The following KCNAB2 variants were observed in gnomAD, a reference collection of about 807,000 sequenced individuals.
KCNAB2 encodes the protein voltage-gated potassium channel subunit beta-2.
A neutral mutation model predicts 63.6 loss-of-function variants in KCNAB2; 29 were observed. The observed-to-expected ratio is 0.46, with a 90% CI of 0.34 to 0.62. The LOEUF is 0.62. Ranked by LOEUF, KCNAB2 falls within the 20% of genes least tolerant of loss-of-function variation. The pLI is 0.01. For missense variants in KCNAB2, 359 were observed against 563.9 expected (o/e 0.64, Z 3.68); for synonymous variants, 222 against 224.2 (o/e 0.99, Z 0.09).
At chr1:6,091,411 C>G (rs973896685) in intron 10 of KCNAB2, 104 bp downstream of exon 10, 9 of 844,866 alleles carry the variant, frequency 1.1e-5, no homozygotes, top group Non-Finnish European at 1.7e-5. Context: ...AGAAACTTCT[C>G]CATAAAATGC....
intron 2 of KCNAB2, among the ~76,000 whole-genome samples, chr1:6,059,793 G>A (rs1207168566): frequency 6.6e-6 from 1 of 152,236 alleles, no homozygotes; most frequent in South Asian, 2.1e-4. Flanking sequence ...AGTGAGTGGG[G>A]CCATGAGGTC....
intron 2 of KCNAB2, among the ~76,000 whole-genome samples, chr1:6,066,486 T>C (rs1237716905): frequency 6.6e-6 from 1 of 152,232 alleles, no homozygotes; most frequent in East Asian, 1.9e-4. Flanking sequence ...AGTTTCTTTC[T>C]TCCCAGTTTC....
chr1:6,081,650 T>C (rs1432797507), intron 4 of KCNAB2, among the ~76,000 whole-genome samples: 1 of 152,052 alleles, frequency 6.6e-6, no homozygotes, highest in Admixed American at 6.5e-5. Flanking sequence ...TCCTGGGGGT[T>C]GCCAACAGTC....
chr1:6,048,477 C>T (rs1442637077), intron 1 of KCNAB2, among the ~76,000 whole-genome samples: 1 of 152,196 alleles, frequency 6.6e-6, no homozygotes, highest in African/African-American at 2.4e-5. Flanking sequence ...GCCTGGGCCA[C>T]ACCATGAGCA....
chr1:6,086,375 C>G lies in KCNAB2; in HGVS notation c.426-1092C>G. 1 of 985,388 alleles carries G rather than the reference C, an allele frequency of 1.0e-6. No individual in the cohort carries two copies. Among genetic ancestry groups the G allele is most frequent in the Non-Finnish European group, 1.2e-6 (1 of 829,872 alleles). 61.0% of individuals were successfully genotyped at this position (985,388 alleles called of 1,614,324 possible). On this transcript the variant is annotated intron_variant, in intron 6 of 15. Transcript: ENST00000378083. This position sits in a 1 kb window ranked among gnomAD's most constrained non-coding sequence, Gnocchi z 4.2. ...CGAAATTGCACGTATTAGCAAATCCCCTGATCACGTCTTTGGCGAATGTGC... is the reference window on the plus strand; with the variant it reads ...CGAAATTGCACGTATTAGCAAATCCGCTGATCACGTCTTTGGCGAATGTGC...
intron 2 of KCNAB2, among the ~76,000 whole-genome samples, chr1:6,052,798 G>GT (rs1239010253): frequency 1.3e-5 from 2 of 152,112 alleles, no homozygotes. Flanking sequence ...AGATAAACGC[G>GT]TAACTTTTTA....
chr1:6,016,453 C>A (rs1658505183), intron 1 of KCNAB2, among the ~76,000 whole-genome samples: 1 of 152,216 alleles, frequency 6.6e-6, no homozygotes, highest in South Asian at 2.1e-4. Flanking sequence ...CCCTTGAGAC[C>A]ACAGGGCTTT....
intron 2 of KCNAB2, among the ~76,000 whole-genome samples, chr1:6,070,072 C>T (rs1435109964): frequency 6.6e-6 from 1 of 152,194 alleles, no homozygotes. Context: ...AGCAACTGTT[C>T]CCCACAGTCA....
In KCNAB2 at chr1:6,069,681, G is replaced by A. The variant is rs1288538917; in HGVS notation, c.219-3074G>A. Reference sequence around the variant, plus strand: ...CCCCATCCAGACCCGGCTGAGACGTGTGCTCCCCACCCCACACGCAGCAGC... The same window carrying A: ...CCCCATCCAGACCCGGCTGAGACGTATGCTCCCCACCCCACACGCAGCAGC... On this transcript the variant is annotated intron_variant, in intron 2 of 15. Transcript: ENST00000378083. The surrounding 1 kb of genome is among the most constrained non-coding windows in gnomAD (Gnocchi z 5.4). 1.3e-5 allele frequency among the ~76,000 whole-genome samples: 2 copies of A among 152,186 alleles called. 1 individual carries two copies. Among genetic ancestry groups the A allele is most frequent in the Non-Finnish European group, 2.9e-5 (2 of 68,042 alleles).
At chr1:6,031,715 C>T (rs1394415648), upstream of KCNAB2, among the ~76,000 whole-genome samples, 1 of 94,126 alleles carries the variant, frequency 1.1e-5, no homozygotes, top group East Asian at 3.4e-4. The surrounding 1 kb of genome is among the most constrained non-coding windows in gnomAD (Gnocchi z 4.1). Flanking sequence ...AGTAAGGCCT[C>T]ATCTCTATTA....
intron 1 of KCNAB2, among the ~76,000 whole-genome samples, chr1:6,004,307 C>T (rs764585138): frequency 3.9e-5 from 6 of 151,924 alleles, no homozygotes; most frequent in South Asian, 2.1e-4. Context: ...GTGATCCTCC[C>T]GCCTTGGCCT....
intron 1 of KCNAB2, among the ~76,000 whole-genome samples, chr1:6,038,306 C>T (rs2100439908): frequency 1.3e-5 from 2 of 150,332 alleles, no homozygotes; most frequent in East Asian, 4.0e-4. Flanking sequence ...TTTTGGTTTA[C>T]TTGAAACAGG....
At position 6,082,223 on chromosome 1, in the gene KCNAB2, A is replaced by G; in HGVS notation, c.329A>G (p.Tyr110Cys). 3 of 1,613,964 alleles carry G rather than the reference A, an allele frequency of 1.9e-6. No individual in the cohort carries two copies. The highest frequency in any genetic ancestry group is 2.5e-6 in the Non-Finnish European group (3 of 1,179,820). ...GCAGAGCAGCTCATGACCTTGGCCT[A>G]TGATAATGGCATCAACCTCTTCGAT... ...EMAEQLMTLAYDNGINLFDTA... is the reference protein window; with the variant it reads ...EMAEQLMTLACDNGINLFDTA... The change falls in exon 5 of 16, where the codon TAT becomes TGT. Residue 110 changes from tyrosine (Y) to cysteine (C), a missense_variant. Transcript: ENST00000378083.
chr1:6,051,301 T>G (rs998426764), intron 1 of KCNAB2, among the ~76,000 whole-genome samples: 2 of 152,194 alleles, frequency 1.3e-5, no homozygotes, highest in Admixed American at 1.3e-4. Context: ...TTAGCCAGAG[T>G]TCCTGGCAAG....
At chr1:6,013,415 G>A (rs926744396) in intron 1 of KCNAB2, among the ~76,000 whole-genome samples, 3 of 152,218 alleles carry the variant, frequency 2.0e-5, no homozygotes, top group South Asian at 4.1e-4. Flanking sequence ...CCAGGTAGAG[G>A]GATCTGAGTC....
intron 1 of KCNAB2, chr1:5,995,907 G>T (rs377334788): frequency 6.6e-6 from 1 of 152,360 alleles, no homozygotes; most frequent in South Asian, 2.1e-4. Flanking sequence ...GAGCTCCATC[G>T]AATGCCTGAA....
At position 6,046,036 on chromosome 1, in the gene KCNAB2, G is replaced by A; in HGVS notation, c.-174G>A. ...CTGCCTCAAAACTCGACTCTGGTGGGACTCATCTCATTCACCAATTGCTTC... is the reference window on the plus strand; with the variant it reads ...CTGCCTCAAAACTCGACTCTGGTGGAACTCATCTCATTCACCAATTGCTTC... On this transcript the variant is annotated 5_prime_UTR_variant, in exon 1 of 16. Coordinates refer to ENST00000378083, the MANE Select transcript of KCNAB2 (RefSeq NM_001199862.2). 1.0e-6 allele frequency: 1 copy of A among 985,464 alleles called. No homozygotes were observed. The highest frequency in any genetic ancestry group is 1.2e-6 in the Non-Finnish European group (1 of 829,956). 61.0% of individuals were successfully genotyped at this position (985,464 alleles called of 1,614,324 possible). A position where few individuals can be genotyped will look rare whatever the true frequency, so the allele number is the denominator to read the frequency against.
chr1:6,087,074 C>T lies in KCNAB2; in HGVS notation c.426-393C>T, dbSNP rs2281304. On this transcript the variant is annotated intron_variant, in intron 6 of 15. Coordinates refer to ENST00000378083, the MANE Select transcript of KCNAB2 (RefSeq NM_001199862.2). This position sits in a 1 kb window ranked among gnomAD's most constrained non-coding sequence, Gnocchi z 6.4. ...CCGCCCCTGCCCCCTGGCCCACACC[C>T]GGCCTCCTCCAGCCTTGGCTCTTGC... Among the ~76,000 whole-genome samples, 10 of 152,024 alleles carry T rather than the reference C, an allele frequency of 6.6e-5. No individual in the cohort carries two copies. Among genetic ancestry groups the T allele is most frequent in the Non-Finnish European group, 1.0e-4 (7 of 68,006 alleles).
chr1:6,030,411 T>A (rs1431279388), upstream of KCNAB2, among the ~76,000 whole-genome samples: 1 of 152,174 alleles, frequency 6.6e-6, no homozygotes, highest in Non-Finnish European at 1.5e-5. Context: ...GTCACATGGT[T>A]GCACAGGAGC....
Sources: allele counts gnomAD v4.1 joint callset (sites outside exome capture counted in the v4.1 genomes callset), GRCh38; gene constraint gnomAD v4.1.1; non-coding constraint Gnocchi (gnomAD v3.1); transcripts MANE v1.5; gene names NCBI Gene and HGNC (gene_info 2026-07-23, HGNC 2026-07-21).